Variants in AFF3 observed in about 807,000 individuals in gnomAD.
AFF3 encodes the protein AF4/FMR2 family member 3.
Under a neutral mutation model 129.7 loss-of-function variants are expected in AFF3, and 32 were observed. The observed-to-expected ratio is 0.25, with a 90% confidence interval of 0.19 to 0.33. The LOEUF (loss-of-function observed/expected upper bound fraction) is 0.33. AFF3 is among the 10% of genes least tolerant of loss of function. AFF3 has a pLI of 1.00. For synonymous variants in AFF3, 644 were observed against 635.4 expected (o/e 1.01, Z -0.20); for missense variants, 1,373 against 1,592.0 (o/e 0.86, Z 2.34).
chr2:99,744,681 T>C (rs575910488), intron 9 of AFF3, among the ~76,000 whole-genome samples: 1 of 152,298 alleles, frequency 6.6e-6, no homozygotes, highest in African/African-American at 2.4e-5. Flanking sequence ...CATAATGTTT[T>C]TGAGGTTCAT....
Position 99,550,052 on chromosome 2 carries a change from T to C in AFF3, c.*1422A>G, listed in dbSNP as rs1325915411. On this transcript the variant is annotated 3_prime_UTR_variant, in exon 25 of 25. Transcript: ENST00000672756. ...GATAGACCCTCTTTTTCAGGAGTTA[T>C]TTTCTTTTCGTCAAGATTTCATATC... is the stretch of plus-strand genomic sequence containing the variant. The C allele has an allele frequency of 4.4e-6, 1 of 227,812 alleles. No homozygotes were observed. The highest frequency in any genetic ancestry group is 6.3e-5 in the East Asian group (1 of 15,968). The allele number at this position is 227,812 out of a possible 1,614,324, so 14.1% of individuals were successfully genotyped here.
In AFF3 at chr2:100,128,715, C is replaced by A. The variant is rs113791715; in HGVS notation, c.-145+509G>T. Reference sequence around the variant, plus strand: ...AAGGGTAGAAATTACAAAGAGGCTGCCTTCAGTTTGAAATAAAGGACTTTC... The same window carrying A: ...AAGGGTAGAAATTACAAAGAGGCTGACTTCAGTTTGAAATAAAGGACTTTC... On this transcript the variant is annotated intron_variant, in intron 2 of 24. Coordinates refer to ENST00000672756, the MANE Select transcript of AFF3 (RefSeq NM_001386135.1). 9.6e-3 allele frequency among the ~76,000 whole-genome samples: 1,468 copies of A among 152,198 alleles called. 26 individuals carry two copies. The highest frequency in any genetic ancestry group is 0.034 in the African/African-American group (1,408 of 41,526).
chr2:99,917,637 A>G (rs10195191), intron 7 of AFF3, among the ~76,000 whole-genome samples: 2,344 of 152,292 alleles, frequency 0.015, 62 homozygotes, highest in African/African-American at 0.054. Context: ...GATGTAATAG[A>G]TTACTGAACA....
chr2:99,994,351 C>A (rs539523784), intron 7 of AFF3, among the ~76,000 whole-genome samples: 1 of 151,994 alleles, frequency 6.6e-6, no homozygotes, highest in Non-Finnish European at 1.5e-5. Context: ...ACCAAAGAAA[C>A]AGAAAGAGAG....
At chr2:99,772,121 T>A (rs1683537545) in intron 8 of AFF3, among the ~76,000 whole-genome samples, 1 of 151,046 alleles carries the variant, frequency 6.6e-6, no homozygotes, top group Admixed American at 6.6e-5. Flanking sequence ...TGGGACAAAA[T>A]AGGAAAGGAG....
chr2:99,752,155 C>T (rs1681711103), intron 9 of AFF3, 66 bp downstream of exon 9: 1 of 1,365,766 alleles, frequency 7.3e-7, no homozygotes. Flanking sequence ...ACGGGTAAAG[C>T]CCACTGCCCA....
intron 13 of AFF3, among the ~76,000 whole-genome samples, chr2:99,641,306 T>C (rs1167291531): frequency 6.6e-6 from 1 of 152,226 alleles, no homozygotes; most frequent in Non-Finnish European, 1.5e-5. Flanking sequence ...CAGACCACTC[T>C]GTGGCTTTCC....
intron 19 of AFF3, 67 bp downstream of exon 19, chr2:99,568,785 T>C (rs1283902981): frequency 2.1e-6 from 3 of 1,446,462 alleles, no homozygotes; most frequent in Non-Finnish European, 2.9e-6. Context: ...AGCTATATTG[T>C]CCCAGTGATG....
intron 4 of AFF3, among the ~76,000 whole-genome samples, chr2:100,046,779 AC>A (rs1476900533): frequency 1.3e-5 from 2 of 151,758 alleles, no homozygotes; most frequent in Non-Finnish European, 2.9e-5. Flanking sequence ...CTCCAACCAG[AC>A]TCCCACACAC....
chr2:100,011,648 G>A (rs2104776720), intron 4 of AFF3: 1 of 767,470 alleles, frequency 1.3e-6, no homozygotes, highest in East Asian at 2.4e-5. Flanking sequence ...GCGTGCATGA[G>A]TCTGTCAGCA....
intron 7 of AFF3, 128 bp from the exon 8 acceptor site, chr2:99,837,652 G>T: frequency 1.3e-6 from 1 of 752,270 alleles, no homozygotes; most frequent in Non-Finnish European, 2.2e-6. Flanking sequence ...GGGGATGCCT[G>T]ACCTGGGACT....
intron 2 of AFF3, chr2:100,109,789 G>A (rs1228976026): frequency 6.6e-6 from 1 of 152,168 alleles, no homozygotes; most frequent in Non-Finnish European, 1.5e-5. Context: ...TTGCAGGTGA[G>A]TATGCTAAGG....
At chr2:99,860,057 C>T (rs1202107752) in intron 7 of AFF3, among the ~76,000 whole-genome samples, 2 of 152,196 alleles carry the variant, frequency 1.3e-5, no homozygotes, top group Non-Finnish European at 2.9e-5. Flanking sequence ...CCACACTCTC[C>T]GTTCCTCAAA....
intron 4 of AFF3, among the ~76,000 whole-genome samples, chr2:100,092,936 G>A (rs1314632758): frequency 2.0e-5 from 3 of 151,428 alleles, no homozygotes; most frequent in African/African-American, 7.3e-5. Context: ...AACATATCAA[G>A]GGCTAGAAAT....
intron 4 of AFF3, among the ~76,000 whole-genome samples, chr2:100,050,323 T>C (rs374559990): frequency 6.6e-6 from 1 of 152,168 alleles, no homozygotes; most frequent in South Asian, 2.1e-4. Flanking sequence ...TGTTTTATTT[T>C]ACTTTTTATT....
intron 11 of AFF3, among the ~76,000 whole-genome samples, chr2:99,709,026 G>A (rs77627742): frequency 1.3e-5 from 2 of 152,302 alleles, no homozygotes; most frequent in East Asian, 3.9e-4. Context: ...ACAGAAGGGG[G>A]TAAAGGGAGA....
chr2:99,904,168 C>G (rs1002913997), intron 7 of AFF3, among the ~76,000 whole-genome samples: 2 of 152,100 alleles, frequency 1.3e-5, no homozygotes, highest in Admixed American at 6.5e-5. Context: ...TTTCCCCAAG[C>G]CTTGATCTCC....
chr2:99,993,245 T>C (rs1680519494), intron 7 of AFF3, among the ~76,000 whole-genome samples: 1 of 152,230 alleles, frequency 6.6e-6, no homozygotes, highest in Admixed American at 6.5e-5. Flanking sequence ...GTAACGGAGA[T>C]GCTTCTTTTT....
At chr2:100,126,477 C>A (rs1241987336) in intron 2 of AFF3, among the ~76,000 whole-genome samples, 1 of 152,158 alleles carries the variant, frequency 6.6e-6, no homozygotes, top group African/African-American at 2.4e-5. Context: ...GGGGATTAGG[C>A]TTGGTGCTCT....
Sources: gnomAD v4.1 joint callset for allele counts (sites outside exome capture counted in the v4.1 genomes callset) on GRCh38, gnomAD v4.1.1 for gene constraint, MANE v1.5 for transcripts, NCBI Gene and HGNC (gene_info 2026-07-23, HGNC 2026-07-21) for gene names.